PPP4R2: variants seen among roughly 807,000 people sequenced by gnomAD.
PPP4R2 encodes protein phosphatase 4 regulatory subunit 2.
A neutral mutation model predicts 47.2 loss-of-function variants in PPP4R2; 13 were observed. The ratio of observed to expected loss-of-function variants is 0.28; its 90% confidence interval spans 0.18 to 0.44. PPP4R2 has a LOEUF of 0.44. Among genes scored for constraint, PPP4R2 ranks in the 20% least tolerant of loss-of-function variants. The probability of loss-of-function intolerance (pLI) is 1.00; values close to 1 mark genes in which losing one functional copy is unlikely to be tolerated. For synonymous variants in PPP4R2, 151 were observed against 163.3 expected (o/e 0.92, Z 0.57); for missense variants, 421 against 491.2 (o/e 0.86, Z 1.35).
intron 3 of PPP4R2, among the ~76,000 whole-genome samples, chr3:73,056,735 AAC>A (rs1415693633): frequency 6.6e-6 from 1 of 152,234 alleles, no homozygotes; most frequent in Admixed American, 6.5e-5. Context: ...AATATTAAAC[AAC>A]ACATAAAATA....
chr3:73,032,094 G>T (rs1702176284), intron 2 of PPP4R2, among the ~76,000 whole-genome samples: 1 of 151,996 alleles, frequency 6.6e-6, no homozygotes, highest in Non-Finnish European at 1.5e-5. Flanking sequence ...TTTTTAAATT[G>T]ATTTTTTTTA....
rs762227726 is a variant in PPP4R2, at chr3:73,062,302, A to G, written c.419+1242A>G. Reference sequence around the variant, plus strand: ...GACAGGAGTGGGCTCCCTGACCTTCAAGGAAGATTTGAGCTATCTGGGAAA... The same window carrying G: ...GACAGGAGTGGGCTCCCTGACCTTCGAGGAAGATTTGAGCTATCTGGGAAA... On this transcript the variant is annotated intron_variant, in intron 5 of 8. Coordinates refer to ENST00000356692, the MANE Select transcript of PPP4R2 (RefSeq NM_174907.4). The G allele has an allele frequency of 1.1e-5, 17 of 1,607,650 alleles. No homozygotes were observed. In the East Asian group the frequency reaches 3.4e-4, roughly 32 times the overall value.
At chr3:73,019,823 A>G (rs191139315) in intron 2 of PPP4R2, among the ~76,000 whole-genome samples, 8 of 152,114 alleles carry the variant, frequency 5.3e-5, no homozygotes, top group East Asian at 1.9e-4. Context: ...GATTCTGTCT[A>G]TTTGTCCACT....
At chr3:73,030,064 A>G (rs183685588) in intron 2 of PPP4R2, among the ~76,000 whole-genome samples, 3 of 152,302 alleles carry the variant, frequency 2.0e-5, no homozygotes. Context: ...CAAATTTTTA[A>G]ATGGTATTGG....
intron 2 of PPP4R2, among the ~76,000 whole-genome samples, chr3:73,033,482 A>G (rs1702206395): frequency 6.6e-6 from 1 of 152,154 alleles, no homozygotes; most frequent in African/African-American, 2.4e-5. Context: ...GAAAACTAGT[A>G]TTTTTTAATT....
intron 2 of PPP4R2, among the ~76,000 whole-genome samples, chr3:73,003,187 G>A (rs983285162): frequency 5.3e-5 from 8 of 150,444 alleles, no homozygotes; most frequent in Admixed American, 3.3e-4. Context: ...CCTTGTCTGA[G>A]CATATTGCTA....
intron 2 of PPP4R2, among the ~76,000 whole-genome samples, chr3:73,002,702 C>T (rs528947689): frequency 1.1e-4 from 15 of 132,654 alleles, no homozygotes; most frequent in Non-Finnish European, 1.8e-4. Context: ...AGTGCAGTGG[C>T]GCGATCTCGG....
At chr3:73,030,126 A>G (rs539158881) in intron 2 of PPP4R2, among the ~76,000 whole-genome samples, 3 of 152,358 alleles carry the variant, frequency 2.0e-5, no homozygotes, top group African/African-American at 7.2e-5. Context: ...GAGAAATATC[A>G]GTGTATTTAT....
chr3:73,050,912 C>T (rs78609403), intron 3 of PPP4R2, among the ~76,000 whole-genome samples: 2,574 of 151,856 alleles, frequency 0.017, 28 homozygotes, highest in Middle Eastern at 0.041. Flanking sequence ...AGATTGTTGC[C>T]TTTTTTTTAT....
chr3:73,021,945 G>A (rs1575853234), intron 2 of PPP4R2, among the ~76,000 whole-genome samples: 1 of 142,550 alleles, frequency 7.0e-6, no homozygotes, highest in East Asian at 2.1e-4. Context: ...TGTTCAGGTT[G>A]GAGTGCAGTG....
At chr3:73,062,358 C>G (rs748752166) in intron 5 of PPP4R2, 2 of 1,603,418 alleles carry the variant, frequency 1.2e-6, no homozygotes, top group African/African-American at 1.3e-5. Flanking sequence ...TGCATTGGAA[C>G]CCCAACCCAG....
chr3:73,050,455 A>G (rs1702587862), intron 3 of PPP4R2, among the ~76,000 whole-genome samples: 1 of 151,620 alleles, frequency 6.6e-6, no homozygotes, highest in Non-Finnish European at 1.5e-5. Context: ...TGTGTTTTTT[A>G]TATATATATA....
intron 2 of PPP4R2, among the ~76,000 whole-genome samples, chr3:73,005,131 C>T (rs559158208): frequency 2.6e-5 from 4 of 152,008 alleles, no homozygotes; most frequent in East Asian, 2.0e-4. Flanking sequence ...TTAGTAGAGA[C>T]GGGGTTTCAC....
At chr3:73,019,580 G>T (rs1221181837) in intron 2 of PPP4R2, among the ~76,000 whole-genome samples, 1 of 152,264 alleles carries the variant, frequency 6.6e-6, no homozygotes, top group East Asian at 1.9e-4. Context: ...TGCCATGTTG[G>T]CTAGGCTGGT....
At chr3:73,062,047 T>G in intron 5 of PPP4R2, 1 of 1,447,976 alleles carries the variant, frequency 6.9e-7, no homozygotes, top group South Asian at 1.4e-5. Context: ...GGAAAAATGG[T>G]AAAGAAGTGC....
intron 7 of PPP4R2, among the ~76,000 whole-genome samples, chr3:73,064,591 C>G (rs541865804): frequency 6.6e-6 from 1 of 152,072 alleles, no homozygotes. Flanking sequence ...GGAAGACTTG[C>G]GGGTTTATTG....
chr3:73,049,009 T>C (rs1334611777), intron 3 of PPP4R2, among the ~76,000 whole-genome samples: 1 of 152,178 alleles, frequency 6.6e-6, no homozygotes, highest in Non-Finnish European at 1.5e-5. Flanking sequence ...AGACCTATTT[T>C]CACTGTGCAC....
At chr3:73,009,625 T>C (rs1701682673) in intron 2 of PPP4R2, among the ~76,000 whole-genome samples, 1 of 138,818 alleles carries the variant, frequency 7.2e-6, no homozygotes, top group Non-Finnish European at 1.5e-5. Context: ...CAGATCTCAT[T>C]AGTAAGAAGA....
intron 2 of PPP4R2, among the ~76,000 whole-genome samples, chr3:73,018,452 T>TGTTATGTTATGTTTGTTATGTTATTTATG: frequency 2.1e-5 from 2 of 96,504 alleles, no homozygotes; most frequent in African/African-American, 7.3e-5. Context: ...TGTTATGTTA[T>TGTTATGTTATGTTTGTTATGTTATTTATG]TTATGTTATG....
Sources: allele counts gnomAD v4.1 joint callset (sites outside exome capture counted in the v4.1 genomes callset), GRCh38; gene constraint gnomAD v4.1.1; transcripts MANE v1.5; gene names NCBI Gene and HGNC (gene_info 2026-07-23, HGNC 2026-07-21).